Variants in DIAPH3 observed in about 807,000 individuals in gnomAD.
DIAPH3 encodes the protein protein diaphanous homolog 3.
A neutral mutation model predicts 144.3 loss-of-function variants in DIAPH3; 117 were observed. That is an observed-to-expected ratio of 0.81 (90% CI 0.70 to 0.95). The LOEUF is 0.95. Ranked by LOEUF, DIAPH3 falls within the 40% of genes least tolerant of loss-of-function variation. The pLI is 0.00. For missense variants in DIAPH3, 1,421 were observed against 1,412.7 expected (o/e 1.01, Z -0.09); for synonymous variants, 519 against 488.9 (o/e 1.06, Z -0.81).
rs569998154 is a variant in DIAPH3 at position 59,825,547 on chromosome 13, A to T, written c.3027+7560T>A. ...ATGATTTATAGTCCTTTGGGTATAT[A>T]CCCAGTAATGGGATGGCTGGGTCAA... is the stretch of plus-strand genomic sequence containing the variant. On this transcript the variant is annotated intron_variant, in intron 24 of 27. Transcript: ENST00000400324. Among the ~76,000 whole-genome samples the T allele has an allele frequency of 2.6e-4, 40 of 152,272 alleles. 1 individual carries two copies. The South Asian group carries it at 8.3e-3, about 32-fold the overall frequency.
At position 59,949,188 on chromosome 13, in the gene DIAPH3, A is replaced by G. The variant is rs144088441; in HGVS notation, c.2074+20756T>C. 4.0e-3 allele frequency among the ~76,000 whole-genome samples: 604 copies of G among 152,220 alleles called. 5 individuals carry two copies. Among genetic ancestry groups the G allele is most frequent in the African/African-American group, 0.014 (583 of 41,536 alleles). The stretch of plus-strand genomic sequence containing the variant: ...TCTGATTGGCTGCTGCGAATCTCCT[A>G]TTTTTCAGAAAACTGGCACATGTTA... On this transcript the variant is annotated intron_variant, in intron 17 of 27. Coordinates refer to ENST00000400324, the MANE Select transcript of DIAPH3 (RefSeq NM_001042517.2).
intron 4 of DIAPH3, among the ~76,000 whole-genome samples, chr13:60,088,126 T>C (rs1382817078): frequency 2.6e-5 from 4 of 152,162 alleles, no homozygotes; most frequent in Admixed American, 2.6e-4. Flanking sequence ...TTGTAATCTG[T>C]AGGTAGTTAA....
intron 20 of DIAPH3, among the ~76,000 whole-genome samples, chr13:59,898,134 C>CAAAAAAAAAAAAAAAAAAAAAAAA (rs34238599): frequency 1.2e-3 from 87 of 72,170 alleles, no homozygotes; most frequent in Admixed American, 1.6e-3. Flanking sequence ...GACTCTGCCT[C>CAAAAAAAAAAAAAAAAAAAAAAAA]AAAAAAAAAA....
chr13:60,140,045 A>C (rs1237109788), intron 1 of DIAPH3, among the ~76,000 whole-genome samples: 1 of 152,154 alleles, frequency 6.6e-6, no homozygotes, highest in Non-Finnish European at 1.5e-5. Context: ...CTATACAGAG[A>C]ATTAGAGATC....
intron 27 of DIAPH3, among the ~76,000 whole-genome samples, chr13:59,710,137 C>G (rs2034652491): frequency 6.6e-6 from 1 of 151,742 alleles, no homozygotes; most frequent in African/African-American, 2.4e-5. Flanking sequence ...GGAGATATAC[C>G]TAATGCTAGA....
chr13:59,861,247 C>T (rs1200599659), intron 22 of DIAPH3, 160 bp downstream of exon 22: 1 of 1,519,372 alleles, frequency 6.6e-7, no homozygotes, highest in Admixed American at 2.1e-5. Flanking sequence ...CCAATCATGA[C>T]AACTCATAAT....
At chr13:59,743,867 AT>A (rs1190914008) in intron 27 of DIAPH3, among the ~76,000 whole-genome samples, 1 of 152,204 alleles carries the variant, frequency 6.6e-6, no homozygotes, top group African/African-American at 2.4e-5. Flanking sequence ...AACAGGGAGA[AT>A]AAAAAAAGCA....
Position 59,729,098 on chromosome 13 carries a change from T to C in DIAPH3, c.3319+45091A>G, listed in dbSNP as rs561207711. On this transcript the variant is annotated intron_variant, in intron 27 of 27. Coordinates refer to ENST00000400324, the MANE Select transcript of DIAPH3 (RefSeq NM_001042517.2). ...ACTGCCTGTGACCAAGACATTCATG[T>C]GGCAAAGAAGAGAGGCATCAGAATT... 1.2e-3 allele frequency among the ~76,000 whole-genome samples: 183 copies of C among 152,292 alleles called. 1 individual carries two copies. The highest frequency in any genetic ancestry group is 2.3e-3 in the Non-Finnish European group (156 of 68,026).
intron 12 of DIAPH3, among the ~76,000 whole-genome samples, chr13:59,987,023 C>T (rs1470842217): frequency 3.9e-5 from 6 of 152,140 alleles, no homozygotes; most frequent in Non-Finnish European, 7.4e-5. Flanking sequence ...GACACATGCA[C>T]GTGTATGTTT....
chr13:59,913,385 C>T lies in DIAPH3; in HGVS notation c.2266-1549G>A, dbSNP rs370262873. Among the ~76,000 whole-genome samples, 150 of 152,218 alleles carry T rather than the reference C, an allele frequency of 9.9e-4. 6 individuals are homozygous for T. In the South Asian group the frequency reaches 0.03, roughly 31 times the overall value. ...AATTCTGCACAGACAGGCACGCATG[C>T]CCAGCTTCCCTCACAGCCCACAGTA... On this transcript the variant is annotated intron_variant, in intron 19 of 27. Transcript: ENST00000400324.
At chr13:59,798,737 A>G (rs1298578916) in intron 25 of DIAPH3, among the ~76,000 whole-genome samples, 1 of 152,216 alleles carries the variant, frequency 6.6e-6, no homozygotes, top group Non-Finnish European at 1.5e-5. Context: ...GGCTCTGAAC[A>G]GAAAAGATGC....
intron 1 of DIAPH3, among the ~76,000 whole-genome samples, chr13:60,136,308 A>T (rs1160360537): frequency 6.6e-6 from 1 of 152,172 alleles, no homozygotes; most frequent in Non-Finnish European, 1.5e-5. Context: ...CTTCTAGTTC[A>T]GGAAAATAGT....
In DIAPH3 at chr13:59,994,082, T is replaced by A. The variant is rs574767703; in HGVS notation, c.1015-1499A>T. Among the ~76,000 whole-genome samples, 6 of 151,934 alleles carry A rather than the reference T, an allele frequency of 3.9e-5. No homozygotes were observed. The South Asian group carries it at 1.2e-3, about 31-fold the overall frequency. ...TGAAATTTAGAAATAAGGGAAAGGATAATCCAAATTATTTCCGGGAACTAT... is the reference window on the plus strand; with the variant it reads ...TGAAATTTAGAAATAAGGGAAAGGAAAATCCAAATTATTTCCGGGAACTAT... On this transcript the variant is annotated intron_variant, in intron 9 of 27. Transcript: ENST00000400324.
At chr13:59,695,566 T>A (rs994683109) in intron 27 of DIAPH3, 2 of 152,200 alleles carry the variant, frequency 1.3e-5, no homozygotes, top group African/African-American at 4.8e-5. Context: ...CTCTCCTAAG[T>A]ATCAGAAAAC....
At chr13:60,111,518 C>T (rs1382305538) in intron 3 of DIAPH3, among the ~76,000 whole-genome samples, 1 of 152,176 alleles carries the variant, frequency 6.6e-6, no homozygotes, top group African/African-American at 2.4e-5. Flanking sequence ...ACCAGCTGAG[C>T]TCCGCCTCTT....
At chr13:60,005,123 C>T (rs912607185) in intron 9 of DIAPH3, among the ~76,000 whole-genome samples, 1 of 152,120 alleles carries the variant, frequency 6.6e-6, no homozygotes, top group African/African-American at 2.4e-5. Context: ...GAATGTCTGT[C>T]GACTGACAGC....
chr13:60,026,496 A>G (rs2054383949), intron 5 of DIAPH3, among the ~76,000 whole-genome samples: 1 of 152,206 alleles, frequency 6.6e-6, no homozygotes, highest in South Asian at 2.1e-4. Context: ...CAATATCAGG[A>G]AGACAACGCA....
chr13:59,823,719 A>G (rs2041208056), intron 24 of DIAPH3, among the ~76,000 whole-genome samples: 1 of 152,188 alleles, frequency 6.6e-6, no homozygotes, highest in South Asian at 2.1e-4. Context: ...TGGTCCACAC[A>G]GTAGTCAGCA....
chr13:59,883,173 G>A (rs1042419476), intron 20 of DIAPH3, among the ~76,000 whole-genome samples: 6 of 152,148 alleles, frequency 3.9e-5, no homozygotes, highest in Admixed American at 6.5e-5. Flanking sequence ...AGCCCTTATC[G>A]TTGAATTCTT....
Sources: gnomAD v4.1 joint callset for allele counts (sites outside exome capture counted in the v4.1 genomes callset) on GRCh38, gnomAD v4.1.1 for gene constraint, MANE v1.5 for transcripts, NCBI Gene and HGNC (gene_info 2026-07-23, HGNC 2026-07-21) for gene names.